Variants in ARHGEF10 observed in about 807,000 individuals in gnomAD.
ARHGEF10 encodes the protein Rho guanine nucleotide exchange factor (GEF) 10.
In ARHGEF10, 140 loss-of-function variants were observed where a neutral mutation model predicts 147.4. The observed-to-expected ratio is 0.95, with a 90% confidence interval of 0.83 to 1.09. The LOEUF (loss-of-function observed/expected upper bound fraction) is 1.09. ARHGEF10 is among the 50% of genes least tolerant of loss of function. The pLI is 0.00. For missense variants in ARHGEF10, 2,222 were observed against 1,752.7 expected (o/e 1.27, Z -4.78); for synonymous variants, 902 against 695.8 (o/e 1.30, Z -4.67).
chr8:1,931,501 G>C (rs1813141120), intron 25 of ARHGEF10, among the ~76,000 whole-genome samples: 1 of 152,186 alleles, frequency 6.6e-6, no homozygotes, highest in Non-Finnish European at 1.5e-5. Context: ...ACTGAGATCT[G>C]CTGAACGTGT....
At position 1,957,196 on chromosome 8, in the gene ARHGEF10, G is replaced by A. The variant is rs368273196; in HGVS notation, c.3968G>A (p.Arg1323Gln). 3.7e-5 allele frequency: 59 copies of A among 1,612,332 alleles called. No homozygotes were observed. The highest frequency in any genetic ancestry group is 1.9e-4 in the African/African-American group (14 of 75,048). The change falls in exon 29 of 29, where the codon CGG (arginine) becomes CAG (glutamine). Residue 1323 changes from arginine to glutamine, a missense_variant. Physicochemically the swap from Arg to Gln is conservative, Grantham distance 43. Transcript: ENST00000349830. ...CACCGCCGGGTGCACAGGAAGGCCC[G>A]GCAGCCCCACCAGGAAGAGCTGGCG... Reference protein sequence around the residue: ...QGHRRVHRKARQPHQEELAPT... With the variant: ...QGHRRVHRKAQQPHQEELAPT...
chr8:1,846,283 G>A (rs1804557367), intron 2 of ARHGEF10, among the ~76,000 whole-genome samples: 1 of 152,256 alleles, frequency 6.6e-6, no homozygotes, highest in African/African-American at 2.4e-5. Context: ...CAGTGCTCTG[G>A]CTTGGAAACT....
chr8:1,871,812 C>G (rs991401339), intron 7 of ARHGEF10, among the ~76,000 whole-genome samples: 3 of 151,946 alleles, frequency 2.0e-5, no homozygotes, highest in African/African-American at 7.3e-5. Flanking sequence ...GCGAGACTCC[C>G]TCTGAAAAAA....
chr8:1,892,558 G>C (rs956461910), intron 11 of ARHGEF10, among the ~76,000 whole-genome samples: 2 of 151,850 alleles, frequency 1.3e-5, no homozygotes, highest in African/African-American at 2.4e-5. Context: ...TTGCCCGCTA[G>C]GTGGCAACGC....
At chr8:1,838,372 A>T (rs1803718482) in intron 1 of ARHGEF10, among the ~76,000 whole-genome samples, 1 of 152,214 alleles carries the variant, frequency 6.6e-6, no homozygotes, top group Admixed American at 6.5e-5. Flanking sequence ...TCCGTCTCTG[A>T]GGCTGCAGAG....
At chr8:1,953,576 C>T (rs1815235248) in intron 28 of ARHGEF10, among the ~76,000 whole-genome samples, 1 of 152,228 alleles carries the variant, frequency 6.6e-6, no homozygotes, top group Non-Finnish European at 1.5e-5. Context: ...GCCCAGGAAA[C>T]AGCCTAAGCT....
intron 7 of ARHGEF10, chr8:1,871,132 AAATC>A (rs1807082522): frequency 6.6e-6 from 1 of 151,702 alleles, no homozygotes; most frequent in Admixed American, 6.6e-5. Flanking sequence ...AAAAAAAAAA[AAATC>A]AGTAAACCAT....
intron 4 of ARHGEF10, among the ~76,000 whole-genome samples, chr8:1,862,442 G>A (rs1203614820): frequency 6.6e-6 from 1 of 152,248 alleles, no homozygotes; most frequent in Non-Finnish European, 1.5e-5. Context: ...GGGCTGTTGT[G>A]GCCAGAAGCC....
Position 1,905,634 on chromosome 8 carries a change from G to C in ARHGEF10, c.1885G>C (p.Asp629His), listed in dbSNP as rs776607282. The stretch of plus-strand genomic sequence containing the variant: ...TGATATGATAGAAACAGTTTACAAC[G>C]ACAGAGGAGAGATTGTTAAAACCAA... ...SDDMIETVYN[D>H]RGEIVKTKER... Residue 629 changes from aspartate to histidine, a missense_variant, in exon 17 of 29, where the codon GAC becomes CAC. By Grantham distance (81) the Asp-to-His change is moderately conservative. Coordinates refer to ENST00000349830, the MANE Select transcript of ARHGEF10 (RefSeq NM_014629.4). 1 of 1,614,154 alleles carries C rather than the reference G, an allele frequency of 6.2e-7. No homozygotes were observed. Among genetic ancestry groups the C allele is most frequent in the Non-Finnish European group, 8.5e-7 (1 of 1,180,022 alleles).
intron 8 of ARHGEF10, among the ~76,000 whole-genome samples, chr8:1,879,321 A>C (rs1259785391): frequency 1.3e-5 from 2 of 152,146 alleles, no homozygotes; most frequent in Non-Finnish European, 1.5e-5. Flanking sequence ...AAAATATGTC[A>C]CTTTCAGTAT....
Position 1,945,610 on chromosome 8 carries a change from C to G in ARHGEF10, c.3352C>G (p.Leu1118Val), listed in dbSNP as rs183575097. Residue 1118 changes from leucine (L) to valine (V), a missense_variant, in exon 27 of 29, where the codon CTG (leucine) becomes GTG (valine). Leu to Val is a conservative substitution (Grantham distance 32, BLOSUM62 1). Transcript: ENST00000349830. The part of the protein sequence containing the change: ...RLFHTETLKH[L>V]QDINIATPVH... The stretch of plus-strand genomic sequence containing the variant: ...TTTTCACACGGAAACTCTCAAGCAC[C>G]TGCAGGACATCAACATCGCCACCCC... 2.7e-5 allele frequency: 44 copies of G among 1,614,258 alleles called. No homozygotes were observed. In the Admixed American group the frequency reaches 5.5e-4, roughly 20 times the overall value.
At chr8:1,922,437 C>G (rs1812366033) in intron 18 of ARHGEF10, among the ~76,000 whole-genome samples, 1 of 152,110 alleles carries the variant, frequency 6.6e-6, no homozygotes, top group Non-Finnish European at 1.5e-5. Flanking sequence ...AAACATGAAT[C>G]AAACTCAAAT....
intron 1 of ARHGEF10, among the ~76,000 whole-genome samples, chr8:1,833,789 G>T (rs558427876): frequency 6.6e-6 from 1 of 152,152 alleles, no homozygotes; most frequent in African/African-American, 2.4e-5. Context: ...CCTCCTGGCC[G>T]CTGACCCCCA....
chr8:1,905,168 G>T (rs1427438294), intron 16 of ARHGEF10, among the ~76,000 whole-genome samples: 1 of 152,100 alleles, frequency 6.6e-6, no homozygotes, highest in Non-Finnish European at 1.5e-5. Flanking sequence ...CTTCTACATC[G>T]CATACCATTG....
chr8:1,826,492 G>A (rs1339668087), intron 1 of ARHGEF10, among the ~76,000 whole-genome samples: 1 of 152,046 alleles, frequency 6.6e-6, no homozygotes, highest in East Asian at 1.9e-4. Context: ...TGGAGGGTGT[G>A]GAGTTACAGA....
At chr8:1,934,289 G>C (rs1251364984) in intron 26 of ARHGEF10, among the ~76,000 whole-genome samples, 1 of 149,328 alleles carries the variant, frequency 6.7e-6, no homozygotes, top group East Asian at 2.0e-4. Flanking sequence ...AGGAGGTCCA[G>C]GCTTCATTGA....
intron 2 of ARHGEF10, among the ~76,000 whole-genome samples, chr8:1,852,143 G>C (rs1324154952): frequency 6.6e-6 from 1 of 152,092 alleles, no homozygotes; most frequent in Non-Finnish European, 1.5e-5. Context: ...GAGGCTCTTG[G>C]TCACACTGGC....
At position 1,864,326 on chromosome 8, in the gene ARHGEF10, A is replaced by G. The variant is rs376838277; in HGVS notation, c.482-47A>G. The G allele has an allele frequency of 3.8e-6, 6 of 1,589,540 alleles. No individual in the cohort carries two copies. The African/African-American group carries it at 6.7e-5, about 18-fold the overall frequency. On this transcript the variant is annotated intron_variant, in intron 4 of 28. Transcript: ENST00000349830. ...GGGTAAAAACATCAACTTCATGAGCATTTTTGTCAGGCGTAAAGCAGCATC... is the reference window on the plus strand; with the variant it reads ...GGGTAAAAACATCAACTTCATGAGCGTTTTTGTCAGGCGTAAAGCAGCATC...
At chr8:1,939,188 G>A (rs1370702700) in intron 26 of ARHGEF10, among the ~76,000 whole-genome samples, 1 of 152,218 alleles carries the variant, frequency 6.6e-6, no homozygotes, top group African/African-American at 2.4e-5. Context: ...CAATTTCAAG[G>A]CAAACGGAGA....
Sources: allele counts gnomAD v4.1 joint callset (sites outside exome capture counted in the v4.1 genomes callset), GRCh38; gene constraint gnomAD v4.1.1; transcripts MANE v1.5; gene names NCBI Gene and HGNC (gene_info 2026-07-23, HGNC 2026-07-21).